The following FMR1NB variants were observed in gnomAD, a reference collection of about 807,000 sequenced individuals.
FMR1NB encodes the protein FMR1 neighbor, also known as FMR1 neighbor protein.
In FMR1NB, 10 loss-of-function variants were observed where a neutral mutation model predicts 16.8. That is an observed-to-expected ratio of 0.60 (90% confidence interval 0.37 to 1.01). The LOEUF (loss-of-function observed/expected upper bound fraction) is 1.01. Among genes scored for constraint, FMR1NB ranks in the 50% least tolerant of loss-of-function variants. The probability of loss-of-function intolerance (pLI) is 0.01; values close to 1 mark genes in which losing one functional copy is unlikely to be tolerated. For synonymous variants in FMR1NB, 83 were observed against 79.1 expected, an observed-to-expected ratio of 1.05 and a Z score of -0.26; for missense variants, 205 against 204.8, an observed-to-expected ratio of 1.00 and a Z score of 0.00.
intron 1 of FMR1NB, among the ~76,000 whole-genome samples, chrX:147,995,565 T>A (rs2044537700): frequency 8.9e-6 from 1 of 112,240 alleles, no homozygotes; most frequent in South Asian, 3.7e-4. Flanking sequence ...ACTGGGAGTT[T>A]GATTCCACCA....
chrX:148,015,448 G>T (rs1214913109), intron 4 of FMR1NB, among the ~76,000 whole-genome samples: 1 of 111,197 alleles, frequency 9.0e-6, no homozygotes, highest in East Asian at 2.8e-4. Flanking sequence ...TTTGATATAG[G>T]TACTTACAGC....
chrX:148,000,111 AAAG>A (rs1557188543), intron 1 of FMR1NB, among the ~76,000 whole-genome samples: 1 of 111,798 alleles, frequency 8.9e-6, no homozygotes, highest in Admixed American at 9.5e-5. Context: ...TTAAAATGAG[AAAG>A]AAGATATTAT....
At chrX:147,997,414 A>G (rs1163530755) in intron 1 of FMR1NB, among the ~76,000 whole-genome samples, 1 of 112,179 alleles carries the variant, frequency 8.9e-6, no homozygotes, top group Admixed American at 9.4e-5. Flanking sequence ...TATGCAGGAA[A>G]CAGAAATTGG....
At chrX:148,002,868 A>G (rs1169791573) in intron 1 of FMR1NB, among the ~76,000 whole-genome samples, 3 of 112,152 alleles carry the variant, frequency 2.7e-5, no homozygotes, top group Non-Finnish European at 3.8e-5. Flanking sequence ...ATGGGATCTG[A>G]TTTAGTTGGA....
At chrX:148,003,491 C>T (rs782004549) in intron 2 of FMR1NB, among the ~76,000 whole-genome samples, 171 bp downstream of exon 2, 5 of 112,300 alleles carry the variant, frequency 4.5e-5, no homozygotes, top group South Asian at 3.7e-4. Context: ...CCTCAGTGCC[C>T]TCATCTTTGA....
At chrX:147,984,217 A>G (rs888349559) in intron 1 of FMR1NB, among the ~76,000 whole-genome samples, 2 of 111,620 alleles carry the variant, frequency 1.8e-5, no homozygotes, top group Non-Finnish European at 3.8e-5. Context: ...ACGACTCTAT[A>G]TAAATTTGAG....
intron 4 of FMR1NB, among the ~76,000 whole-genome samples, chrX:148,011,198 C>A (rs7062634): frequency 0.18 from 19,621 of 109,419 alleles, 1,800 homozygotes; most frequent in African/African-American, 0.35. Context: ...CGGGAGGCGG[C>A]AGTTACAGTG....
chrX:147,989,431 C>T (rs1431874992), intron 1 of FMR1NB, among the ~76,000 whole-genome samples: 1 of 111,865 alleles, frequency 8.9e-6, no homozygotes, highest in Non-Finnish European at 1.9e-5. Context: ...GTATGAGGCT[C>T]CTGTCACCCC....
At chrX:148,007,427 C>T (rs1603081733) in intron 3 of FMR1NB, among the ~76,000 whole-genome samples, 1 of 111,594 alleles carries the variant, frequency 9.0e-6, no homozygotes, top group East Asian at 2.8e-4. Flanking sequence ...GTAGTTGGGA[C>T]TACAGACGTG....
chrX:148,010,300 G>A (rs1244028450), intron 4 of FMR1NB, among the ~76,000 whole-genome samples: 1 of 112,478 alleles, frequency 8.9e-6, no homozygotes, highest in Admixed American at 9.5e-5. Context: ...GTCATCTTGA[G>A]CTGACTATCA....
rs199948782 is a variant in FMR1NB at position 147,981,678 on chromosome X, C to T, written c.276C>T (p.Ser92=). ...VCYYLSYYLC[S]GSSYFVLANG... is the part of the protein sequence containing the mutation. Reference sequence around the variant, plus strand: ...ACTACCTGTCCTACTACCTGTGCTCCGGTGAGTGCTGGCTCAGGCCAGGCA... The same window carrying T: ...ACTACCTGTCCTACTACCTGTGCTCTGGTGAGTGCTGGCTCAGGCCAGGCA... The change falls in exon 1 of 6, where the codon TCC becomes TCT. Residue 92 remains serine (S), a splice_region_variant and synonymous_variant. Transcript: ENST00000370467. 26 of 970,830 alleles carry T rather than the reference C, an allele frequency of 2.7e-5. No individual in the cohort carries two copies. The East Asian group carries it at 2.9e-4, about 11-fold the overall frequency. 80.0% of individuals were successfully genotyped at this position (970,830 alleles called of 1,213,427 possible).
chrX:148,024,876 A>T lies in FMR1NB; in HGVS notation c.644A>T (p.Asp215Val). The T allele has an allele frequency of 8.3e-7, 1 of 1,210,048 alleles. No individual in the cohort carries two copies. The highest frequency in any genetic ancestry group is 1.1e-6 in the Non-Finnish European group (1 of 894,507). Reference protein sequence around the residue: ...RSLFWRSEPADDLQRQDNRVV... With the variant: ...RSLFWRSEPAVDLQRQDNRVV... ...TTTTTATGTTACAGCGAACCGGCCGATGATTTACAAAGGCAGGACAACAGA... is the reference window on the plus strand; with the variant it reads ...TTTTTATGTTACAGCGAACCGGCCGTTGATTTACAAAGGCAGGACAACAGA... Residue 215 changes from aspartate to valine, a missense_variant, in exon 5 of 6, where the codon GAT (aspartate) becomes GTT (valine). Transcript: ENST00000370467.
At chrX:148,004,989 A>C (rs1557188959) in intron 2 of FMR1NB, among the ~76,000 whole-genome samples, 1 of 112,377 alleles carries the variant, frequency 8.9e-6, no homozygotes, top group East Asian at 2.8e-4. Context: ...TCCCAGGTTC[A>C]AGCAATTCTC....
At chrX:147,987,401 C>T (rs782126988) in intron 1 of FMR1NB, among the ~76,000 whole-genome samples, 111 of 111,553 alleles carry the variant, frequency 1.0e-3, no homozygotes, top group African/African-American at 3.3e-3. Context: ...TGTCTTGTGC[C>T]GGTTTTCAAA....
intron 1 of FMR1NB, among the ~76,000 whole-genome samples, chrX:147,983,954 C>A (rs954868521): frequency 9.0e-6 from 1 of 111,339 alleles, no homozygotes; most frequent in Non-Finnish European, 1.9e-5. Flanking sequence ...GTGTGGATAG[C>A]CCCTCGTTCC....
chrX:147,999,112 C>G (rs1285340978), intron 1 of FMR1NB, among the ~76,000 whole-genome samples: 4 of 111,700 alleles, frequency 3.6e-5, no homozygotes, highest in Non-Finnish European at 7.5e-5. Context: ...TGTTTCATGT[C>G]AAGCCAAGGG....
chrX:148,006,472 A>T (rs1557189102), intron 2 of FMR1NB, among the ~76,000 whole-genome samples: 1 of 112,252 alleles, frequency 8.9e-6, no homozygotes, highest in Non-Finnish European at 1.9e-5. Flanking sequence ...CTTACCAAAG[A>T]TTTTTTAACA....
rs191103815 is a variant in FMR1NB at position 147,999,309 on chromosome X, G to T, written c.278-3892G>T. Among the ~76,000 whole-genome samples the T allele has an allele frequency of 4.5e-5, 5 of 111,895 alleles. No individual in the cohort carries two copies. In the Admixed American group the frequency reaches 4.7e-4, roughly 11 times the overall value. ...TTCAGATGGTGTGCTGAATCGAGTG[G>T]CAACAAGGACAGCAAATTGACGAAG... On this transcript the variant is annotated intron_variant, in intron 1 of 5. Coordinates refer to ENST00000370467, the MANE Select transcript of FMR1NB (RefSeq NM_152578.3).
At chrX:147,984,326 T>C (rs1339613992) in intron 1 of FMR1NB, among the ~76,000 whole-genome samples, 3 of 112,238 alleles carry the variant, frequency 2.7e-5, no homozygotes, top group Non-Finnish European at 5.6e-5. Flanking sequence ...CTTAACAATA[T>C]TAGGGATTCC....
Sources: allele counts gnomAD v4.1 joint callset (sites outside exome capture counted in the v4.1 genomes callset), GRCh38; gene constraint gnomAD v4.1.1; transcripts MANE v1.5; gene names NCBI Gene and HGNC (gene_info 2026-07-23, HGNC 2026-07-21).